ACSM2A: variants seen among roughly 807,000 people sequenced by gnomAD.
ACSM2A encodes acyl-CoA synthetase medium chain family member 2A.
In ACSM2A, 72 loss-of-function variants were observed where a neutral mutation model predicts 76.6. The observed-to-expected ratio is 0.94, with a 90% CI of 0.78 to 1.14. ACSM2A has a LOEUF of 1.14. ACSM2A is among the 50% of genes most tolerant of loss of function. The pLI is 0.00. For synonymous variants in ACSM2A, 249 were observed against 255.9 expected, an observed-to-expected ratio of 0.97 and a Z score of 0.26; for missense variants, 684 against 708.5, an observed-to-expected ratio of 0.97 and a Z score of 0.39.
rs556289945 is a variant in ACSM2A, at chr16:20,475,623, G to A, written c.975-27G>A. On this transcript the variant is annotated intron_variant, in intron 7 of 13. Transcript: ENST00000573854. ...TGGACTTTGGTTCCAGGGAGGCTGA[G>A]GGCAAACATTTATTTCTCTTCTTCA... The A allele has an allele frequency of 3.3e-5, 53 of 1,613,516 alleles. No individual in the cohort carries two copies. The South Asian group carries it at 5.4e-4, about 16-fold the overall frequency.
intron 4 of ACSM2A, chr16:20,470,817 T>C (rs2013342596): frequency 1.5e-6 from 1 of 650,362 alleles, no homozygotes; most frequent in Non-Finnish European, 2.8e-6. Flanking sequence ...TTTTTGCAGA[T>C]ATAAAGTCAG....
At chr16:20,459,536 T>G (rs566069519) in intron 1 of ACSM2A, among the ~76,000 whole-genome samples, 2 of 152,202 alleles carry the variant, frequency 1.3e-5, no homozygotes. Flanking sequence ...ACATTTCTTG[T>G]TGTTCTGGGT....
At chr16:20,480,196 G>T (rs1479707784) in intron 10 of ACSM2A, among the ~76,000 whole-genome samples, 1 of 152,218 alleles carries the variant, frequency 6.6e-6, no homozygotes, top group Non-Finnish European at 1.5e-5. Context: ...AAGAAGCTAA[G>T]AAAATTACCT....
rs568169142 is a variant in ACSM2A, at chr16:20,479,031, T to C, written c.1281+354T>C. Among the ~76,000 whole-genome samples, 23 of 152,302 alleles carry C rather than the reference T, an allele frequency of 1.5e-4. No homozygotes were observed. In the South Asian group the frequency reaches 2.9e-3, roughly 19 times the overall value. ...CCCTAGGTATCATCCCCATGCTCTATGCCATTGATCTTCTTTAGAGCCATG... is the reference window on the plus strand; with the variant it reads ...CCCTAGGTATCATCCCCATGCTCTACGCCATTGATCTTCTTTAGAGCCATG... On this transcript the variant is annotated intron_variant, in intron 10 of 13. Coordinates refer to ENST00000573854, the MANE Select transcript of ACSM2A (RefSeq NM_001308172.2).
chr16:20,473,055 T>G (rs1378713292), intron 6 of ACSM2A, among the ~76,000 whole-genome samples: 1 of 152,174 alleles, frequency 6.6e-6, no homozygotes, highest in African/African-American at 2.4e-5. Context: ...CTCATTTTGC[T>G]TATGAAGATA....
intron 12 of ACSM2A, 72 bp from the exon 13 acceptor site, chr16:20,482,985 GC>G: frequency 1.3e-6 from 2 of 1,578,410 alleles, no homozygotes; most frequent in Non-Finnish European, 8.7e-7. Flanking sequence ...AAGTCTTAAT[GC>G]CAATTTCACA....
rs1264113411 is a variant in ACSM2A, at chr16:20,486,851, A to G, written c.*173A>G. 6.6e-6 allele frequency: 5 copies of G among 761,656 alleles called. No homozygotes were observed. Among genetic ancestry groups the G allele is most frequent in the Non-Finnish European group, 1.1e-5 (5 of 473,406 alleles). The allele number at this position is 761,656 out of a possible 1,614,324, so 47.2% of individuals were successfully genotyped here. ...TACCATGTTAGATGTTGAAAGAAGA[A>G]AGGGAAGGAATGAGAGAGAGTGAAA... On this transcript the variant is annotated 3_prime_UTR_variant, in exon 14 of 14. Transcript: ENST00000573854.
In ACSM2A at chr16:20,480,489, C is replaced by G. The variant is rs1260762930; in HGVS notation, c.1282-84C>G. 8.5e-6 allele frequency: 13 copies of G among 1,537,504 alleles called. No homozygotes were observed. In the South Asian group the frequency reaches 1.7e-4, roughly 20 times the overall value. On this transcript the variant is annotated intron_variant, in intron 10 of 13. Coordinates refer to ENST00000573854, the MANE Select transcript of ACSM2A (RefSeq NM_001308172.2). ...CTGCACACCTGCAGTTTTAATAAGA[C>G]TCATAGCATTTGTTCATGGCAGCCC...
At chr16:20,465,329 TAGATATTGAC>T (rs2141706743) in intron 2 of ACSM2A, among the ~76,000 whole-genome samples, 178 bp from the exon 3 acceptor site, 1 of 152,332 alleles carries the variant, frequency 6.6e-6, no homozygotes, top group Admixed American at 6.5e-5. Flanking sequence ...TCTACTATGG[TAGATATTGAC>T]AGATATAACT....
intron 8 of ACSM2A, chr16:20,476,710 G>A: frequency 2.0e-6 from 2 of 1,002,714 alleles, no homozygotes; most frequent in Non-Finnish European, 2.4e-6. Flanking sequence ...GGGAAAAGAT[G>A]GGTCATTGTG....
rs2013232324 is a variant in ACSM2A at position 20,469,459 on chromosome 16, T to C, written c.389-53T>C. ...GCTTGATGTTTATCTCAGGCTTCTC[T>C]AGGGACAAAGAAAATCATCCTTTCC... On this transcript the variant is annotated intron_variant, in intron 3 of 13. Transcript: ENST00000573854. The C allele has an allele frequency of 3.7e-6, 6 of 1,608,124 alleles. No individual in the cohort carries two copies. The South Asian group carries it at 5.5e-5, about 15-fold the overall frequency.
chr16:20,454,862 A>C (rs1389878460), intron 1 of ACSM2A, among the ~76,000 whole-genome samples: 1 of 150,834 alleles, frequency 6.6e-6, no homozygotes, highest in South Asian at 2.1e-4. Flanking sequence ...TATTAAGCTA[A>C]TCAAAGAGGC....
At chr16:20,455,237 A>G (rs1309227689) in intron 1 of ACSM2A, among the ~76,000 whole-genome samples, 1 of 151,490 alleles carries the variant, frequency 6.6e-6, no homozygotes. Flanking sequence ...GAAATAATCA[A>G]GGAAAACTTT....
chr16:20,463,102 G>A (rs1441375084), intron 2 of ACSM2A, among the ~76,000 whole-genome samples: 1 of 118,998 alleles, frequency 8.4e-6, no homozygotes, highest in African/African-American at 3.0e-5. Flanking sequence ...GAGGGGGGAG[G>A]GATAACATTA....
At chr16:20,469,490 T>A (rs1457950621) in intron 3 of ACSM2A, 22 bp from the exon 4 acceptor site, 1 of 1,610,648 alleles carries the variant, frequency 6.2e-7, no homozygotes, top group Admixed American at 1.7e-5. Context: ...TTTCCAATTC[T>A]CTAAATTGTT....
At position 20,476,468 on chromosome 16, in the gene ACSM2A, G is replaced by C. The variant is rs991641549; in HGVS notation, c.1098+695G>C. 2.9e-5 allele frequency: 29 copies of C among 985,340 alleles called. No homozygotes were observed. In the African/African-American group the frequency reaches 4.4e-4, roughly 15 times the overall value. The allele number at this position is 985,340 out of a possible 1,614,324, so 61.0% of individuals were successfully genotyped here. On this transcript the variant is annotated intron_variant, in intron 8 of 13. Transcript: ENST00000573854. ...GAGTACCCTTGGAAGAACTTTTGCAGAAGGTTGACGGCAGCTCTGTGGTAT... is the reference window on the plus strand; with the variant it reads ...GAGTACCCTTGGAAGAACTTTTGCACAAGGTTGACGGCAGCTCTGTGGTAT...
Position 20,477,425 on chromosome 16 carries a change from G to A in ACSM2A, c.1155G>A (p.Thr385=), listed in dbSNP as rs559183354. ...TMKIKPGYMG[T]AASCYDVQII... ...AAATCAAACCAGGATACATGGGAACGGCTGCTTCCTGTTATGATGTACAGG... is the reference window on the plus strand; with the variant it reads ...AAATCAAACCAGGATACATGGGAACAGCTGCTTCCTGTTATGATGTACAGG... Residue 385 remains threonine (T), a synonymous_variant, in exon 9 of 14, where the codon ACG becomes ACA. Coordinates refer to ENST00000573854, the MANE Select transcript of ACSM2A (RefSeq NM_001308172.2). 1.8e-5 allele frequency: 29 copies of A among 1,609,340 alleles called. No homozygotes were observed. Among genetic ancestry groups the A allele is most frequent in the Admixed American group, 6.7e-5 (4 of 59,636 alleles).
intron 3 of ACSM2A, among the ~76,000 whole-genome samples, chr16:20,468,353 A>ATT (rs369483751): frequency 8.5e-5 from 13 of 152,278 alleles, no homozygotes; most frequent in African/African-American, 3.1e-4. Flanking sequence ...CTGTGTAGTT[A>ATT]TTCTGTTCTT....
At chr16:20,463,525 G>A (rs1291642818) in intron 2 of ACSM2A, among the ~76,000 whole-genome samples, 4 of 151,670 alleles carry the variant, frequency 2.6e-5, no homozygotes, top group East Asian at 1.9e-4. Context: ...ACTTCCCCAC[G>A]CTCTCTCTCT....
Sources: gnomAD v4.1 joint callset for allele counts (sites outside exome capture counted in the v4.1 genomes callset) on GRCh38, gnomAD v4.1.1 for gene constraint, MANE v1.5 for transcripts, NCBI Gene and HGNC (gene_info 2026-07-23, HGNC 2026-07-21) for gene names.